Variants in VKORC1L1 observed in about 807,000 individuals in gnomAD.
VKORC1L1 encodes vitamin K epoxide reductase complex subunit 1L1, also known as vitamin K epoxide reductase complex subunit 1-like protein 1.
A neutral mutation model predicts 18.9 loss-of-function variants in VKORC1L1; 2 were observed. The observed-to-expected ratio is 0.11, with a 90% CI of 0.04 to 0.33. The LOEUF is 0.33. Ranked by LOEUF, VKORC1L1 falls within the 10% of genes least tolerant of loss-of-function variation. VKORC1L1 has a pLI of 1.00. For missense variants in VKORC1L1, 123 were observed against 224.1 expected, an observed-to-expected ratio of 0.55 and a Z score of 2.88; for synonymous variants, 96 against 100.0, an observed-to-expected ratio of 0.96 and a Z score of 0.24.
At position 65,954,114 on chromosome 7, in the gene VKORC1L1, G is replaced by T; in HGVS notation, c.345G>T (p.Thr115=). The T allele has an allele frequency of 6.2e-7, 1 of 1,606,756 alleles. No homozygotes were observed. Among genetic ancestry groups the T allele is most frequent in the Non-Finnish European group, 8.5e-7 (1 of 1,173,728 alleles). ...ASAVAALILM[T]SSIMSVVGSL... is the part of the protein sequence containing the mutation. ...CTGTGGCGGCTTTGATCCTCATGAC[G>T]TCCTCCATCATGTCGGTCGTGGGGT... Residue 115 remains threonine, a synonymous_variant, in exon 3 of 3, where the codon ACG becomes ACT. Coordinates refer to ENST00000360768, the MANE Select transcript of VKORC1L1 (RefSeq NM_173517.6).
chr7:65,883,217 C>A (rs1562981824), intron 1 of VKORC1L1, among the ~76,000 whole-genome samples: 1 of 148,294 alleles, frequency 6.7e-6, no homozygotes, highest in Non-Finnish European at 1.5e-5. Flanking sequence ...TCTCGGCTCA[C>A]TGCAACCTCC....
At chr7:65,874,494 G>C (rs1177843742) in intron 1 of VKORC1L1, among the ~76,000 whole-genome samples, 3 of 151,886 alleles carry the variant, frequency 2.0e-5, no homozygotes, top group African/African-American at 7.2e-5. Context: ...ACCGCGCCTG[G>C]CCTGCTTAAG....
At chr7:65,896,680 GA>G (rs936921283) in intron 1 of VKORC1L1, among the ~76,000 whole-genome samples, 14 of 150,108 alleles carry the variant, frequency 9.3e-5, no homozygotes, top group Admixed American at 3.4e-4. Flanking sequence ...CTTGCATACA[GA>G]AAAAAAAGTT....
chr7:65,913,305 G>GT (rs994094179), intron 1 of VKORC1L1, among the ~76,000 whole-genome samples: 1 of 151,878 alleles, frequency 6.6e-6, no homozygotes, highest in African/African-American at 2.4e-5. Flanking sequence ...TAGACCCTTT[G>GT]TTTTTTTCAT....
chr7:65,942,491 C>CA (rs764138467), intron 1 of VKORC1L1, among the ~76,000 whole-genome samples: 3,831 of 75,298 alleles, frequency 0.051, 128 homozygotes, highest in Middle Eastern at 0.14. Flanking sequence ...GACTCCATCT[C>CA]AAAAAAAAAA....
Position 65,908,832 on chromosome 7 carries a change from A to T in VKORC1L1, c.194+35267A>T, listed in dbSNP as rs562509381. ...AGCCTGGGTGACAAAGCAAGACTCCATCTCAAAAAAAAAAAAAAAAAATTC... is the reference window on the plus strand; with the variant it reads ...AGCCTGGGTGACAAAGCAAGACTCCTTCTCAAAAAAAAAAAAAAAAAATTC... On this transcript the variant is annotated intron_variant, in intron 1 of 2. Transcript: ENST00000360768. Among the ~76,000 whole-genome samples the T allele has an allele frequency of 2.6e-3, 227 of 87,410 alleles. 3 individuals carry two copies. The South Asian group carries it at 0.036, about 14-fold the overall frequency. 57.3% of individuals were successfully genotyped at this position (87,410 alleles called of 152,430 possible).
intron 2 of VKORC1L1, among the ~76,000 whole-genome samples, chr7:65,953,035 G>T (rs1042231248): frequency 4.0e-5 from 6 of 151,716 alleles, no homozygotes; most frequent in Non-Finnish European, 8.8e-5. Context: ...GACCTCAAAT[G>T]ATCTGCCTGC....
At chr7:65,927,375 A>G (rs899656768) in intron 1 of VKORC1L1, among the ~76,000 whole-genome samples, 2 of 152,194 alleles carry the variant, frequency 1.3e-5, no homozygotes, top group East Asian at 3.8e-4. Context: ...CACTATATGT[A>G]GGATGGATAT....
chr7:65,895,467 AAAAAAAAAAAAAAATATATATAT>A (rs1352971840), intron 1 of VKORC1L1, among the ~76,000 whole-genome samples: 27 of 51,638 alleles, frequency 5.2e-4, no homozygotes, highest in African/African-American at 9.3e-4. Context: ...AAAAAAAAAA[AAAAAAAAAAAAAAATATATATAT>A]ATATATATAT....
chr7:65,866,108 C>G, the VKORC1L1 span, among the ~76,000 whole-genome samples: 1 of 151,752 alleles, frequency 6.6e-6, no homozygotes, highest in Non-Finnish European at 1.5e-5. Flanking sequence ...AGTGGGACTC[C>G]GTCTCAAAAA....
upstream of VKORC1L1, among the ~76,000 whole-genome samples, chr7:65,869,538 GGAT>G (rs1207607099): frequency 6.6e-6 from 1 of 151,830 alleles, no homozygotes; most frequent in Non-Finnish European, 1.5e-5. Flanking sequence ...GAAAGACGTG[GGAT>G]GATGAGTCAG....
chr7:65,941,673 G>GTTTTT (rs57537567), intron 1 of VKORC1L1, among the ~76,000 whole-genome samples: 12 of 66,494 alleles, frequency 1.8e-4, no homozygotes, highest in African/African-American at 2.8e-4. Flanking sequence ...TTTTCTTAAG[G>GTTTTT]TTTTTTTTTT....
At position 65,956,672 on chromosome 7, in the gene VKORC1L1, G is replaced by C. The variant is rs551783068; in HGVS notation, c.*2372G>C. ...GTGTCTCAGTAACAGAATCCTGGTG[G>C]GTGTTAATTGGGTGTTTTTTGCCCT... On this transcript the variant is annotated 3_prime_UTR_variant, in exon 3 of 3. Coordinates refer to ENST00000360768, the MANE Select transcript of VKORC1L1 (RefSeq NM_173517.6). 1 of 152,140 alleles carries C rather than the reference G, an allele frequency of 6.6e-6. No individual in the cohort carries two copies. The highest frequency in any genetic ancestry group is 1.5e-5 in the Non-Finnish European group (1 of 68,022). The allele number at this position is 152,140 out of a possible 1,614,324, so 9.4% of individuals were successfully genotyped here.
chr7:65,953,942 C>G (rs1790251601), intron 2 of VKORC1L1, 132 bp from the exon 3 acceptor site: 2 of 746,822 alleles, frequency 2.7e-6, no homozygotes, highest in Non-Finnish European at 4.2e-6. Flanking sequence ...TATTTCTGTT[C>G]TCAATTTTCA....
At chr7:65,909,163 T>A (rs1789458025) in intron 1 of VKORC1L1, among the ~76,000 whole-genome samples, 1 of 131,556 alleles carries the variant, frequency 7.6e-6, no homozygotes, top group Admixed American at 7.6e-5. Context: ...TTTTTTTTTT[T>A]AGTAGAGACA....
chr7:65,929,682 G>GTGTATATATATATATATA lies in VKORC1L1; in HGVS notation c.195-18988_195-18987insGTATATATATATATATAT, dbSNP rs370107880. On this transcript the variant is annotated intron_variant, in intron 1 of 2. Transcript: ENST00000360768. ...TGTGTGTGTGTGTATGTGTGTGTGT[G>GTGTATATATATATATATA]TATATATATATATATATATATGGTT... Among the ~76,000 whole-genome samples, 5 of 128,606 alleles carry GTGTATATATATATATATA rather than the reference G, an allele frequency of 3.9e-5. No homozygotes were observed. In the Admixed American group the frequency reaches 4.2e-4, roughly 11 times the overall value. 84.4% of individuals were successfully genotyped at this position (128,606 alleles called of 152,430 possible).
At chr7:65,932,556 G>A (rs569120690) in intron 1 of VKORC1L1, among the ~76,000 whole-genome samples, 106 of 152,252 alleles carry the variant, frequency 7.0e-4, no homozygotes, top group Middle Eastern at 3.4e-3. Context: ...TTCAAAATTT[G>A]TTATTTCCTT....
In VKORC1L1 at chr7:65,895,475, AAAAAAATATATATATATATATATAT is replaced by A. The variant is rs1789183249; in HGVS notation, c.194+21912_194+21936del. Among the ~76,000 whole-genome samples the A allele has an allele frequency of 2.1e-4, 9 of 42,830 alleles. No individual in the cohort carries two copies. In the South Asian group the frequency reaches 6.0e-3, roughly 29 times the overall value. The allele number at this position is 42,830 out of a possible 152,430, so 28.1% of individuals were successfully genotyped here. ...TGAGAAAAAAAAAAAAAAAAAAAAAAAAAAAATATATATATATATATATATATATATATATATATATACACACACA... is the reference window on the plus strand; with the variant it reads ...TGAGAAAAAAAAAAAAAAAAAAAAAAATATATATATATATATACACACACA... On this transcript the variant is annotated intron_variant, in intron 1 of 2. Coordinates refer to ENST00000360768, the MANE Select transcript of VKORC1L1 (RefSeq NM_173517.6).
chr7:65,903,285 G>C (rs1229905493), intron 1 of VKORC1L1, among the ~76,000 whole-genome samples: 1 of 151,518 alleles, frequency 6.6e-6, no homozygotes, highest in Non-Finnish European at 1.5e-5. Context: ...TCCTGCCTCA[G>C]CCTCCCAAGT....
Sources: gnomAD v4.1 joint callset for allele counts (sites outside exome capture counted in the v4.1 genomes callset) on GRCh38, gnomAD v4.1.1 for gene constraint, MANE v1.5 for transcripts, NCBI Gene and HGNC (gene_info 2026-07-23, HGNC 2026-07-21) for gene names.